The following DNAH14 variants were observed in gnomAD, a reference collection of about 807,000 sequenced individuals.
The protein encoded by DNAH14 is axonemal beta dynein heavy chain 14.
A neutral mutation model predicts 520.9 loss-of-function variants in DNAH14; 478 were observed. That is an observed-to-expected ratio of 0.92 (90% CI 0.85 to 0.99). The LOEUF (loss-of-function observed/expected upper bound fraction) is 0.99. Among genes scored for constraint, DNAH14 ranks in the 50% least tolerant of loss-of-function variants. The pLI is 0.00. For synonymous variants in DNAH14, 1,581 were observed against 1,757.2 expected (o/e 0.90, Z 2.51); for missense variants, 4,831 against 5,234.5 (o/e 0.92, Z 2.38).
At chr1:224,961,378 A>G (rs770051866) in intron 4 of DNAH14, 7 of 152,190 alleles carry the variant, frequency 4.6e-5, no homozygotes, top group Admixed American at 1.3e-4. Context: ...TATGCATTGT[A>G]TTAGTCCTTT....
chr1:225,003,449 A>G (rs1205049457), intron 9 of DNAH14, among the ~76,000 whole-genome samples: 1 of 152,078 alleles, frequency 6.6e-6, no homozygotes, highest in Admixed American at 6.6e-5. Context: ...CACTCACTCA[A>G]TGTATGGGGA....
intron 17 of DNAH14, among the ~76,000 whole-genome samples, chr1:225,073,663 TTG>T (rs2071832866): frequency 1.6e-5 from 2 of 123,258 alleles, no homozygotes; most frequent in Non-Finnish European, 1.6e-5. Context: ...TTTCAGTTTT[TTG>T]TTGTTGTTGT....
chr1:225,194,405 C>T (rs2085854410), intron 38 of DNAH14, among the ~76,000 whole-genome samples: 1 of 151,924 alleles, frequency 6.6e-6, no homozygotes, highest in African/African-American at 2.4e-5. Context: ...AAAAAGTTGC[C>T]AAAGTTTGAA....
chr1:225,255,154 A>G (rs1448107885), intron 44 of DNAH14, among the ~76,000 whole-genome samples: 1 of 152,188 alleles, frequency 6.6e-6, no homozygotes, highest in Non-Finnish European at 1.5e-5. Flanking sequence ...TTGGAAGGAA[A>G]CATTTGCTTG....
chr1:225,330,885 A>G (rs1343993176), intron 64 of DNAH14, among the ~76,000 whole-genome samples: 1 of 152,212 alleles, frequency 6.6e-6, no homozygotes, highest in Non-Finnish European at 1.5e-5. Context: ...TACACATTGC[A>G]TGCCTGTATC....
intron 7 of DNAH14, among the ~76,000 whole-genome samples, chr1:224,971,449 T>C (rs2061496668): frequency 6.6e-6 from 1 of 152,208 alleles, no homozygotes; most frequent in Non-Finnish European, 1.5e-5. Flanking sequence ...GTTTCACTGG[T>C]GTAAGAACTG....
intron 12 of DNAH14, 103 bp downstream of exon 12, chr1:225,038,926 C>T (rs934749028): frequency 8.9e-6 from 9 of 1,009,670 alleles, no homozygotes; most frequent in Non-Finnish European, 1.2e-5. Context: ...CAAGCCCTTA[C>T]CCAACATACC....
At chr1:225,009,224 T>G (rs1301880104) in intron 10 of DNAH14, among the ~76,000 whole-genome samples, 1 of 152,194 alleles carries the variant, frequency 6.6e-6, no homozygotes, top group East Asian at 1.9e-4. Context: ...CTTCTAGGGT[T>G]TTTATGGTTT....
At chr1:225,298,512 A>G (rs650939) in intron 55 of DNAH14, among the ~76,000 whole-genome samples, 32 of 152,302 alleles carry the variant, frequency 2.1e-4, no homozygotes, top group African/African-American at 4.8e-4. Context: ...CAGGACCACA[A>G]TCACAGCCAA....
intron 79 of DNAH14, among the ~76,000 whole-genome samples, chr1:225,379,875 ATAG>A (rs2095757675): frequency 6.6e-6 from 1 of 152,214 alleles, no homozygotes; most frequent in African/African-American, 2.4e-5. Flanking sequence ...TCTGAGGTAC[ATAG>A]TAATGTTTCA....
At chr1:225,139,412 G>GT (rs2079232140) in intron 27 of DNAH14, among the ~76,000 whole-genome samples, 1 of 152,196 alleles carries the variant, frequency 6.6e-6, no homozygotes, top group Non-Finnish European at 1.5e-5. Context: ...TTTTGCCAAA[G>GT]TTTTTCACAC....
Position 225,394,271 on chromosome 1 carries a change from A to C in DNAH14, c.13491+1820A>C, listed in dbSNP as rs145086698. 3.5e-3 allele frequency among the ~76,000 whole-genome samples: 527 copies of C among 152,264 alleles called. 3 individuals are homozygous for C. Among genetic ancestry groups the C allele is most frequent in the African/African-American group, 0.012 (514 of 41,568 alleles). On this transcript the variant is annotated intron_variant, in intron 84 of 85. Transcript: ENST00000682510. ...TGTTTTTGTCGTATTGATTTATAGA[A>C]GTTCTTGTGTATTCTGAATATAAGC... is the stretch of plus-strand genomic sequence containing the variant.
At chr1:225,140,397 A>G (rs1157159059) in intron 27 of DNAH14, among the ~76,000 whole-genome samples, 2 of 152,174 alleles carry the variant, frequency 1.3e-5, no homozygotes, top group Non-Finnish European at 2.9e-5. Flanking sequence ...AACTATGACT[A>G]CATACTCACT....
intron 1 of DNAH14, among the ~76,000 whole-genome samples, chr1:224,933,956 A>G (rs2058862294): frequency 6.6e-6 from 1 of 151,804 alleles, no homozygotes; most frequent in African/African-American, 2.4e-5. Context: ...AGAAATGCGG[A>G]GACTACACTA....
chr1:224,948,840 C>T (rs1297734221), intron 1 of DNAH14, among the ~76,000 whole-genome samples: 1 of 152,138 alleles, frequency 6.6e-6, no homozygotes, highest in Non-Finnish European at 1.5e-5. Context: ...CACTTTAGTT[C>T]TGGTCATTCC....
intron 79 of DNAH14, among the ~76,000 whole-genome samples, chr1:225,378,100 C>G (rs542740854): frequency 6.6e-6 from 1 of 151,980 alleles, no homozygotes; most frequent in South Asian, 2.1e-4. Context: ...CAAGGTATTA[C>G]GAGGCCCAAT....
At chr1:225,041,700 TG>T (rs549100285) in intron 12 of DNAH14, among the ~76,000 whole-genome samples, 122 of 151,686 alleles carry the variant, frequency 8.0e-4, no homozygotes, top group Admixed American at 7.5e-3. Context: ...ACTCATTCAC[TG>T]TAACCATAAT....
At chr1:225,334,000 T>C (rs911181732) in intron 66 of DNAH14, among the ~76,000 whole-genome samples, 1 of 152,254 alleles carries the variant, frequency 6.6e-6, no homozygotes, top group Non-Finnish European at 1.5e-5. Flanking sequence ...TCCCCACTGA[T>C]AATTTCACTT....
chr1:225,192,426 T>C (rs2085568843), intron 37 of DNAH14, among the ~76,000 whole-genome samples: 1 of 152,148 alleles, frequency 6.6e-6, no homozygotes, highest in South Asian at 2.1e-4. Flanking sequence ...CCAGTTTATA[T>C]ACTGTGTTCC....
Sources: gnomAD v4.1 joint callset for allele counts (sites outside exome capture counted in the v4.1 genomes callset) on GRCh38, gnomAD v4.1.1 for gene constraint, MANE v1.5 for transcripts, NCBI Gene and HGNC (gene_info 2026-07-23, HGNC 2026-07-21) for gene names.